The following TSPEAR variants were observed in gnomAD, a reference collection of about 807,000 sequenced individuals.
TSPEAR encodes the protein thrombospondin type laminin G domain and EAR repeats.
Under a neutral mutation model 71.6 loss-of-function variants are expected in TSPEAR, and 69 were observed. The ratio of observed to expected loss-of-function variants is 0.96; its 90% CI spans 0.79 to 1.18. TSPEAR has a LOEUF of 1.18. TSPEAR is among the 50% of genes most tolerant of loss of function. The pLI, the probability that TSPEAR is intolerant of heterozygous loss-of-function variation, is 0.00. For synonymous variants in TSPEAR, 402 were observed against 387.2 expected (o/e 1.04, Z -0.45); for missense variants, 971 against 894.9 (o/e 1.09, Z -1.09).
At chr21:44,578,196 A>ATT (rs1978590992) in intron 1 of TSPEAR, among the ~76,000 whole-genome samples, 2 of 152,276 alleles carry the variant, frequency 1.3e-5, no homozygotes, top group African/African-American at 4.8e-5. Flanking sequence ...ATCAGGAATG[A>ATT]ATAAAAGGTT....
rs922872497 is a variant in TSPEAR at position 44,499,689 on chromosome 21, G to A, written c.*94C>T. ...TGATGCCCAGGCCCGGGATGCCCTA[G>A]GCTGGGCCCACCTGGACGTCCAGGG... is the stretch of plus-strand genomic sequence containing the variant. On this transcript the variant is annotated 3_prime_UTR_variant, in exon 12 of 12. Transcript: ENST00000323084. 294 of 1,365,216 alleles carry A rather than the reference G, an allele frequency of 2.2e-4. 3 individuals carry two copies. In the East Asian group the frequency reaches 8.0e-3, roughly 37 times the overall value. 84.6% of individuals were successfully genotyped at this position (1,365,216 alleles called of 1,614,324 possible).
intron 1 of TSPEAR, chr21:44,702,727 T>C (rs1224215617): frequency 2.7e-6 from 4 of 1,455,362 alleles, no homozygotes; most frequent in Non-Finnish European, 3.8e-6. Flanking sequence ...CTCCTGCGTG[T>C]CCCTCCTCTG....
chr21:44,667,281 C>T (rs1368401177), intron 1 of TSPEAR, among the ~76,000 whole-genome samples: 1 of 152,172 alleles, frequency 6.6e-6, no homozygotes, highest in African/African-American at 2.4e-5. Flanking sequence ...GAAGTTTACA[C>T]TCCTCTCATG....
rs1428118732 is a variant in TSPEAR at position 44,546,002 on chromosome 21, T to G, written c.304-12079A>C. On this transcript the variant is annotated intron_variant, in intron 2 of 11. Transcript: ENST00000323084. The surrounding 1 kb of genome is among the most constrained non-coding windows in gnomAD (Gnocchi z 4.4). ...GAAGAGCAACAGATTTGACAAATCTTTATCTGTCTAGATCTTTATCTAGAC... is the reference window on the plus strand; with the variant it reads ...GAAGAGCAACAGATTTGACAAATCTGTATCTGTCTAGATCTTTATCTAGAC... 6.6e-6 allele frequency among the ~76,000 whole-genome samples: 1 copy of G among 152,216 alleles called. No individual in the cohort carries two copies. The highest frequency in any genetic ancestry group is 1.5e-5 in the Non-Finnish European group (1 of 68,040).
At chr21:44,598,435 A>G (rs2146140209) in intron 1 of TSPEAR, among the ~76,000 whole-genome samples, 1 of 152,320 alleles carries the variant, frequency 6.6e-6, no homozygotes, top group African/African-American at 2.4e-5. Flanking sequence ...GCACAGACAT[A>G]CATTTGCTTT....
At chr21:44,518,716 A>G (rs2052665858) in intron 9 of TSPEAR, 1 of 470,450 alleles carries the variant, frequency 2.1e-6, no homozygotes. Context: ...GTGACTGCCT[A>G]CGTCTTCTTT....
At chr21:44,516,912 C>T (rs782267435) in intron 9 of TSPEAR, among the ~76,000 whole-genome samples, 1 of 152,182 alleles carries the variant, frequency 6.6e-6, no homozygotes, top group African/African-American at 2.4e-5. Flanking sequence ...GCTCTGCATG[C>T]GAGAACGCTC....
chr21:44,511,465 TAC>T (rs1222799033), intron 9 of TSPEAR, among the ~76,000 whole-genome samples: 2 of 152,228 alleles, frequency 1.3e-5, no homozygotes, highest in East Asian at 3.9e-4. Context: ...CATGTATACA[TAC>T]ACATGTATAC....
chr21:44,514,740 G>A (rs1378863156), intron 9 of TSPEAR, among the ~76,000 whole-genome samples: 1 of 152,204 alleles, frequency 6.6e-6, no homozygotes. Flanking sequence ...CCCAGTCATT[G>A]GAGGCCTGGT....
intron 2 of TSPEAR, among the ~76,000 whole-genome samples, chr21:44,566,352 A>T (rs2053703244): frequency 6.6e-6 from 1 of 152,192 alleles, no homozygotes; most frequent in Non-Finnish European, 1.5e-5. Flanking sequence ...TTGTTAAGGA[A>T]GATGTAAACA....
chr21:44,690,525 A>G lies in TSPEAR; in HGVS notation c.82+20908T>C, dbSNP rs1310202627. The stretch of plus-strand genomic sequence containing the variant: ...TAGCATCAGACATCTCATCAGCAGC[A>G]CTGAAGGCTACAGACTCACAGAACA... On this transcript the variant is annotated intron_variant, in intron 1 of 11. Transcript: ENST00000323084. The G allele has an allele frequency of 1.3e-5, 13 of 983,892 alleles. No homozygotes were observed. In the African/African-American group the frequency reaches 2.3e-4, roughly 17 times the overall value. 60.9% of individuals were successfully genotyped at this position (983,892 alleles called of 1,614,324 possible).
intron 1 of TSPEAR, among the ~76,000 whole-genome samples, chr21:44,672,502 G>A (rs762282301): frequency 5.6e-4 from 86 of 152,256 alleles, no homozygotes; most frequent in Non-Finnish European, 1.1e-3. Context: ...CCTGGGAGGC[G>A]GAGCTTGCAG....
intron 1 of TSPEAR, chr21:44,627,598 C>T (rs1982925547): frequency 1.2e-6 from 2 of 1,613,008 alleles, no homozygotes; most frequent in Admixed American, 1.7e-5. Flanking sequence ...CTGCTGTGTG[C>T]CCGTCTGCTG....
intron 1 of TSPEAR, among the ~76,000 whole-genome samples, chr21:44,628,535 G>A (rs1404974503): frequency 2.0e-5 from 3 of 151,998 alleles, no homozygotes; most frequent in Admixed American, 6.5e-5. Context: ...TGTCCACCTC[G>A]TGGCACGTTC....
chr21:44,513,675 A>G (rs1555913005), intron 9 of TSPEAR, among the ~76,000 whole-genome samples: 1 of 152,210 alleles, frequency 6.6e-6, no homozygotes, highest in Non-Finnish European at 1.5e-5. Context: ...GGCACCCGGT[A>G]ATCAGTGGAT....
chr21:44,576,260 G>C (rs782328450), intron 1 of TSPEAR, among the ~76,000 whole-genome samples: 6 of 152,192 alleles, frequency 3.9e-5, no homozygotes, highest in Non-Finnish European at 8.8e-5. Flanking sequence ...GAGTGGAAGG[G>C]AGTGCATAAC....
At chr21:44,547,691 A>C (rs1555917874) in intron 2 of TSPEAR, among the ~76,000 whole-genome samples, 1 of 152,174 alleles carries the variant, frequency 6.6e-6, no homozygotes, top group African/African-American at 2.4e-5. Flanking sequence ...GTTTTTCTTC[A>C]GGGTTTGTAG....
chr21:44,592,509 G>A (rs782151404), intron 1 of TSPEAR: 5 of 1,589,818 alleles, frequency 3.1e-6, no homozygotes, highest in East Asian at 2.2e-5. Flanking sequence ...GGTGGAGGGT[G>A]AGGGAGTGAG....
At chr21:44,602,571 C>G (rs1555929132) in intron 1 of TSPEAR, among the ~76,000 whole-genome samples, 1 of 152,356 alleles carries the variant, frequency 6.6e-6, no homozygotes, top group Admixed American at 6.5e-5. Context: ...GGGGCTCCCC[C>G]CGGCCCCGCC....
Sources: gnomAD v4.1 joint callset for allele counts (sites outside exome capture counted in the v4.1 genomes callset) on GRCh38, gnomAD v4.1.1 for gene constraint, Gnocchi (gnomAD v3.1) non-coding constraint, MANE v1.5 for transcripts, NCBI Gene and HGNC (gene_info 2026-07-23, HGNC 2026-07-21) for gene names.